The following EMX1 variants were observed in gnomAD, a reference collection of about 807,000 sequenced individuals.
The protein encoded by EMX1 is empty spiracles homeobox 1.
In EMX1, 10 loss-of-function variants were observed where a neutral mutation model predicts 20.1. That is an observed-to-expected ratio of 0.50 (90% CI 0.31 to 0.84). EMX1 has a LOEUF of 0.84. Among genes scored for constraint, EMX1 ranks in the 40% least tolerant of loss-of-function variants. EMX1 has a pLI of 0.05. For synonymous variants in EMX1, 250 were observed against 200.4 expected, an observed-to-expected ratio of 1.25 and a Z score of -2.09; for missense variants, 424 against 431.9, an observed-to-expected ratio of 0.98 and a Z score of 0.16.
chr2:72,916,634 G>A, upstream of EMX1: 1 of 697,780 alleles, frequency 1.4e-6, no homozygotes, highest in Non-Finnish European at 2.7e-6. Context: ...GAAGGTCGAG[G>A]GAGGTCAGGC....
At chr2:72,924,245 G>A (rs1396092938) in intron 1 of EMX1, 64 bp from the exon 2 acceptor site, 6 of 1,533,650 alleles carry the variant, frequency 3.9e-6, no homozygotes, top group Admixed American at 2.0e-5. Flanking sequence ...GTTGGGCCCC[G>A]GCTCACGGCG....
intron 2 of EMX1, chr2:72,925,786 A>G: frequency 1.0e-6 from 1 of 985,360 alleles, no homozygotes; most frequent in Non-Finnish European, 1.2e-6. Flanking sequence ...CTCCTCCTTC[A>G]GTGGCATTTT....
intron 1 of EMX1, among the ~76,000 whole-genome samples, chr2:72,922,772 A>G (rs1559058729): frequency 6.6e-6 from 1 of 152,216 alleles, no homozygotes; most frequent in Admixed American, 6.5e-5. Context: ...CAGCATCTCA[A>G]TTATCTGCTT....
At position 72,930,094 on chromosome 2, in the gene EMX1, C is replaced by T. The variant is rs1298316177; in HGVS notation, c.706-3693C>T. 2.0e-5 allele frequency among the ~76,000 whole-genome samples: 3 copies of T among 151,860 alleles called. No homozygotes were observed. Among genetic ancestry groups the T allele is most frequent in the African/African-American group, 7.3e-5 (3 of 41,104 alleles). On this transcript the variant is annotated intron_variant, in intron 2 of 2. Transcript: ENST00000258106. The surrounding 1 kb of genome is among the most constrained non-coding windows in gnomAD (Gnocchi z 4.4). Reference sequence around the variant, plus strand: ...AAAGCCTTTGCTGATTAGAATTCTACCCCTCTTCTGTTCATTTTCTCCTGT... The same window carrying T: ...AAAGCCTTTGCTGATTAGAATTCTATCCCTCTTCTGTTCATTTTCTCCTGT...
At position 72,924,295 on chromosome 2, in the gene EMX1, C is replaced by T. The variant is rs1398019667; in HGVS notation, c.521-14C>T. ...CTGTACCTGCGTGTGTTGCCGTCGG[C>T]GGCGGGGCCGCAGCCAGCGACGTGC... is the stretch of plus-strand genomic sequence containing the variant. On this transcript the variant is annotated splice_polypyrimidine_tract_variant and intron_variant, in intron 1 of 2. Coordinates refer to ENST00000258106, the MANE Select transcript of EMX1 (RefSeq NM_004097.3). 3 of 1,555,024 alleles carry T rather than the reference C, an allele frequency of 1.9e-6. No individual in the cohort carries two copies. The highest frequency in any genetic ancestry group is 8.6e-7 in the Non-Finnish European group (1 of 1,157,798).
Position 72,917,973 on chromosome 2 carries a change from C to T in EMX1, c.121C>T (p.Arg41Cys), listed in dbSNP as rs1421144692. ...AATMFQPAAK[R>C]GFTIESLVAK... ...GACCATGTTCCAGCCCGCGGCCAAG[C>T]GCGGCTTTACCATAGAGTCCTTGGT... The change falls in exon 1 of 3, where the codon CGC (arginine) becomes TGC (cysteine). Residue 41 changes from arginine (R) to cysteine (C), a missense_variant. Arg to Cys is a radical substitution (Grantham distance 180, BLOSUM62 -3). Around this residue, in one of 2 missense-constraint regions of EMX1, gnomAD observed 333 missense variants for 296.6 expected, o/e 1.12. Transcript: ENST00000258106. 2 of 1,488,074 alleles carry T rather than the reference C, an allele frequency of 1.3e-6. No individual in the cohort carries two copies. Among genetic ancestry groups the T allele is most frequent in the Non-Finnish European group, 1.8e-6 (2 of 1,126,776 alleles). 92.2% of individuals were successfully genotyped at this position (1,488,074 alleles called of 1,614,324 possible).
intron 1 of EMX1, 38 bp downstream of exon 1, chr2:72,918,410 G>A: frequency 7.3e-7 from 1 of 1,361,622 alleles, no homozygotes; most frequent in Non-Finnish European, 9.4e-7. Context: ...GCGGCCGGCC[G>A]GCGCCCGTGC....
At position 72,918,287 on chromosome 2, in the gene EMX1, C is replaced by T; in HGVS notation, c.435C>T (p.His145=). The T allele has an allele frequency of 1.3e-6, 2 of 1,576,044 alleles. No individual in the cohort carries two copies. The highest frequency in any genetic ancestry group is 2.4e-5 in the East Asian group (1 of 41,724). ...GCGCCTCCCCGCTGCAGCCCCCGCACTCCTTCTTCGGCGCCCAGCACCGGG... is the reference window on the plus strand; with the variant it reads ...GCGCCTCCCCGCTGCAGCCCCCGCATTCCTTCTTCGGCGCCCAGCACCGGG... ...QLGASPLQPP[H]SFFGAQHRDP... Residue 145 remains histidine (H), a synonymous_variant, in exon 1 of 3, where the codon CAC becomes CAT. Coordinates refer to ENST00000258106, the MANE Select transcript of EMX1 (RefSeq NM_004097.3).
In EMX1 at chr2:72,918,375, G is replaced by A; in HGVS notation, c.520+3G>A. The A allele has an allele frequency of 1.4e-6, 2 of 1,424,040 alleles. No homozygotes were observed. The highest frequency in any genetic ancestry group is 1.8e-6 in the Non-Finnish European group (2 of 1,094,030). 88.2% of individuals were successfully genotyped at this position (1,424,040 alleles called of 1,614,324 possible). On this transcript the variant is annotated splice_donor_region_variant and intron_variant, in intron 1 of 2. Coordinates refer to ENST00000258106, the MANE Select transcript of EMX1 (RefSeq NM_004097.3). ...CTTCTTCGGCCACCGCTTCCAGGGT[G>A]AGTGTCCACGCTGTGCCCGCCGAGG... is the stretch of plus-strand genomic sequence containing the variant.
At chr2:72,924,080 C>T (rs904181047) in intron 1 of EMX1, 19 of 611,626 alleles carry the variant, frequency 3.1e-5, no homozygotes, top group Non-Finnish European at 5.3e-5. Flanking sequence ...CCCGCGTTCC[C>T]CCGCGGAGTG....
At chr2:72,920,616 A>C (rs1307770203) in intron 1 of EMX1, among the ~76,000 whole-genome samples, 1 of 152,206 alleles carries the variant, frequency 6.6e-6, no homozygotes, top group Non-Finnish European at 1.5e-5. Flanking sequence ...CCCCGTCTTA[A>C]TGCAACAAAC....
At chr2:72,922,806 C>T (rs1314911560) in intron 1 of EMX1, among the ~76,000 whole-genome samples, 1 of 152,210 alleles carries the variant, frequency 6.6e-6, no homozygotes, top group Non-Finnish European at 1.5e-5. Context: ...ATAGATGTTT[C>T]CAGAGATGGG....
At chr2:72,919,296 AGTTT>A (rs1336002196) in intron 1 of EMX1, among the ~76,000 whole-genome samples, 27 of 150,608 alleles carry the variant, frequency 1.8e-4, no homozygotes, top group East Asian at 1.2e-3. Context: ...AATTTGTTGG[AGTTT>A]GTTTTTTTCT....
At chr2:72,917,113 G>C, upstream of EMX1, 1 of 618,780 alleles carries the variant, frequency 1.6e-6, no homozygotes, top group Non-Finnish European at 3.0e-6. Context: ...CTGGTTTTCG[G>C]GAAAACCAAT....
intron 2 of EMX1, among the ~76,000 whole-genome samples, chr2:72,927,588 G>C (rs1340963746): frequency 2.0e-5 from 3 of 152,332 alleles, no homozygotes; most frequent in Non-Finnish European, 4.4e-5. Flanking sequence ...GCGTCTCTCA[G>C]GGAGATCTTA....
rs901118383 is a variant in EMX1 at position 72,918,044 on chromosome 2, G to T, written c.192G>T (p.Ala64=). ...GTGGGTGGGG[A]GSHLLAAAAS... is the part of the protein sequence containing the mutation. ...GCGGGGGCACTGGCGGCGGGGGCGC[G>T]GGCTCCCATCTCCTGGCGGCGGCCG... The change falls in exon 1 of 3, where the codon GCG becomes GCT. Residue 64 remains alanine (A), a synonymous_variant. Transcript: ENST00000258106. 1 of 1,420,190 alleles carries T rather than the reference G, an allele frequency of 7.0e-7. No homozygotes were observed. Among genetic ancestry groups the T allele is most frequent in the Non-Finnish European group, 9.1e-7 (1 of 1,096,458 alleles). 88.0% of individuals were successfully genotyped at this position (1,420,190 alleles called of 1,614,324 possible). A position where few individuals can be genotyped will look rare whatever the true frequency, so the allele number is the denominator to read the frequency against.
chr2:72,918,795 C>G (rs532208646), intron 1 of EMX1, among the ~76,000 whole-genome samples: 1 of 152,356 alleles, frequency 6.6e-6, no homozygotes, highest in South Asian at 2.1e-4. Flanking sequence ...GAGACCTCAG[C>G]CTTCGCTGGC....
chr2:72,923,899 C>A (rs1671144774), intron 1 of EMX1: 2 of 282,836 alleles, frequency 7.1e-6, no homozygotes, highest in African/African-American at 2.2e-5. Context: ...ATCGTTGGGG[C>A]TGGCGGCCAG....
intron 2 of EMX1, among the ~76,000 whole-genome samples, chr2:72,927,348 G>A (rs1671222086): frequency 6.6e-6 from 1 of 152,094 alleles, no homozygotes; most frequent in Admixed American, 6.5e-5. Context: ...CTGGGTCTGG[G>A]CCTCAGTTTC....
Sources: gnomAD v4.1 joint callset for allele counts (sites outside exome capture counted in the v4.1 genomes callset) on GRCh38, gnomAD v4.1.1 for gene constraint, gnomAD v4.1.1 regional missense constraint, Gnocchi (gnomAD v3.1) non-coding constraint, MANE v1.5 for transcripts, NCBI Gene and HGNC (gene_info 2026-07-23, HGNC 2026-07-21) for gene names.